ZNF148: variants seen among roughly 807,000 people sequenced by gnomAD.
The protein encoded by ZNF148 is Beta-Enolase Repressor Factor-1.
A neutral mutation model predicts 67.7 loss-of-function variants in ZNF148; 7 were observed. The ratio of observed to expected loss-of-function variants is 0.10; its 90% CI spans 0.06 to 0.19. ZNF148 has a LOEUF of 0.19. Among genes scored for constraint, ZNF148 ranks in the 10% least tolerant of loss-of-function variants. The pLI is 1.00. For synonymous variants in ZNF148, 333 were observed against 330.7 expected (o/e 1.01, Z -0.08); for missense variants, 583 against 947.1 (o/e 0.62, Z 5.05).
intron 4 of ZNF148, among the ~76,000 whole-genome samples, chr3:125,289,183 A>C (rs935079993): frequency 6.6e-6 from 1 of 152,238 alleles, no homozygotes; most frequent in Admixed American, 6.5e-5. Context: ...CAGTAAGTAC[A>C]ATGTGCTAAT....
chr3:125,300,540 TA>T (rs1451543567), intron 4 of ZNF148, among the ~76,000 whole-genome samples: 1 of 152,216 alleles, frequency 6.6e-6, no homozygotes, highest in Non-Finnish European at 1.5e-5. Context: ...TTAAATGAAT[TA>T]ATCATAAACA....
At chr3:125,270,888 A>G (rs1014614430) in intron 7 of ZNF148, among the ~76,000 whole-genome samples, 1 of 152,146 alleles carries the variant, frequency 6.6e-6, no homozygotes, top group Non-Finnish European at 1.5e-5. Flanking sequence ...AAAACAAAAA[A>G]AGTATTTAAG....
At chr3:125,319,658 G>A (rs1185335722) in intron 3 of ZNF148, among the ~76,000 whole-genome samples, 1 of 152,182 alleles carries the variant, frequency 6.6e-6, no homozygotes, top group African/African-American at 2.4e-5. Flanking sequence ...TGTGTGCTGA[G>A]ATGTAAGACA....
chr3:125,267,025 T>C (rs973040310), intron 7 of ZNF148, among the ~76,000 whole-genome samples: 2 of 127,646 alleles, frequency 1.6e-5, no homozygotes, highest in Non-Finnish European at 3.3e-5. Context: ...AACAGATCAA[T>C]AACGAGTTCC....
intron 3 of ZNF148, chr3:125,315,095 T>A (rs1297353676): frequency 6.6e-6 from 1 of 152,234 alleles, no homozygotes; most frequent in East Asian, 1.9e-4. Context: ...GTCAAAGATG[T>A]TACATACATC....
At chr3:125,292,713 G>C (rs945675837) in intron 4 of ZNF148, 1 of 152,192 alleles carries the variant, frequency 6.6e-6, no homozygotes, top group African/African-American at 2.4e-5. Context: ...GGGTAATTAA[G>C]AGATGTTTTA....
intron 7 of ZNF148, among the ~76,000 whole-genome samples, chr3:125,268,422 T>C (rs568316674): frequency 4.6e-5 from 7 of 152,008 alleles, no homozygotes; most frequent in South Asian, 2.1e-4. Flanking sequence ...CTACAACCAA[T>C]TGATATTCAA....
Position 125,233,163 on chromosome 3 carries a change from C to T in ZNF148, c.1563G>A (p.Gln521=). 6.2e-7 allele frequency: 1 copy of T among 1,613,872 alleles called. No individual in the cohort carries two copies. Among genetic ancestry groups the T allele is most frequent in the East Asian group, 2.2e-5 (1 of 44,882 alleles). ...TACTCTTAATCTCCACATTCAGTGC[C>T]TGTGACTCTAATATGGATGCCGTGG... ...ESTTASILES[Q]ALNVEIKSNH... The change falls in exon 9 of 9, where the codon CAG becomes CAA. Residue 521 remains glutamine, a synonymous_variant. Coordinates refer to ENST00000360647, the MANE Select transcript of ZNF148 (RefSeq NM_021964.3). This position sits in a 1 kb window ranked among gnomAD's most constrained non-coding sequence, Gnocchi z 5.1.
chr3:125,285,074 CTA>C (rs1343140296), intron 5 of ZNF148, among the ~76,000 whole-genome samples: 1 of 152,196 alleles, frequency 6.6e-6, no homozygotes, highest in Non-Finnish European at 1.5e-5. Context: ...TACTAAAACT[CTA>C]TCACATTAGT....
chr3:125,330,998 A>G (rs1195108147), intron 2 of ZNF148, among the ~76,000 whole-genome samples, 160 bp downstream of exon 2: 2 of 152,126 alleles, frequency 1.3e-5, no homozygotes, highest in African/African-American at 2.4e-5. Context: ...TATTTATAAT[A>G]TTTATAATAG....
At chr3:125,285,460 C>T (rs1270205888) in intron 5 of ZNF148, among the ~76,000 whole-genome samples, 1 of 152,032 alleles carries the variant, frequency 6.6e-6, no homozygotes, top group Non-Finnish European at 1.5e-5. Context: ...CTGGAGATGG[C>T]AGACCAGTGG....
intron 1 of ZNF148, among the ~76,000 whole-genome samples, chr3:125,355,563 A>G (rs1319333208): frequency 1.3e-5 from 2 of 152,194 alleles, no homozygotes; most frequent in African/African-American, 4.8e-5. Flanking sequence ...GAGGAATGGC[A>G]TAAGAAAAGA....
chr3:125,344,308 G>A, intron 1 of ZNF148: 2 of 498,666 alleles, frequency 4.0e-6, no homozygotes, highest in East Asian at 3.6e-5. Context: ...ATGACCTAGT[G>A]ACCTGAATGA....
In ZNF148 at chr3:125,330,670, A is replaced by T. The variant is rs191237135; in HGVS notation, c.-153+488T>A. On this transcript the variant is annotated intron_variant, in intron 2 of 8. Coordinates refer to ENST00000360647, the MANE Select transcript of ZNF148 (RefSeq NM_021964.3). ...TAGTCGAGACCCTGTCTCTATTAAA[A>T]AATTAAAAATTAAAAATACAACAAA... Among the ~76,000 whole-genome samples, 135 of 152,192 alleles carry T rather than the reference A, an allele frequency of 8.9e-4. 1 individual carries two copies. Among genetic ancestry groups the T allele is most frequent in the African/African-American group, 3.2e-3 (132 of 41,546 alleles).
At chr3:125,340,161 A>G (rs1425304576) in intron 1 of ZNF148, among the ~76,000 whole-genome samples, 6 of 152,226 alleles carry the variant, frequency 3.9e-5, no homozygotes, top group Admixed American at 3.9e-4. Flanking sequence ...AGAAGAAGAC[A>G]ATCCAGACCT....
At chr3:125,330,173 A>G (rs1941223776) in intron 2 of ZNF148, among the ~76,000 whole-genome samples, 2 of 152,208 alleles carry the variant, frequency 1.3e-5, no homozygotes, top group South Asian at 4.1e-4. Flanking sequence ...AAGGTGAAAA[A>G]GAATTCTCAG....
At chr3:125,285,641 G>T (rs1033682885) in intron 5 of ZNF148, among the ~76,000 whole-genome samples, 2 of 151,824 alleles carry the variant, frequency 1.3e-5, no homozygotes, top group South Asian at 4.2e-4. Context: ...CAATTCTTCC[G>T]TCTCAGCCTC....
intron 1 of ZNF148, among the ~76,000 whole-genome samples, chr3:125,354,824 A>C (rs1251224190): frequency 2.0e-5 from 3 of 152,260 alleles, no homozygotes; most frequent in East Asian, 1.9e-4. Flanking sequence ...AGTGGTAACA[A>C]CACCATGCTG....
intron 7 of ZNF148, among the ~76,000 whole-genome samples, chr3:125,263,870 G>T (rs1937454028): frequency 6.6e-6 from 1 of 152,140 alleles, no homozygotes; most frequent in African/African-American, 2.4e-5. Flanking sequence ...GAAAGACAAG[G>T]CCTTGAGTAG....
Sources: allele counts gnomAD v4.1 joint callset (sites outside exome capture counted in the v4.1 genomes callset), GRCh38; gene constraint gnomAD v4.1.1; non-coding constraint Gnocchi (gnomAD v3.1); transcripts MANE v1.5; gene names NCBI Gene and HGNC (gene_info 2026-07-23, HGNC 2026-07-21).